The following DLEC1 variants were observed in gnomAD, a reference collection of about 807,000 sequenced individuals.
DLEC1 encodes DLEC1 cilia and flagella associated protein, also known as deleted in lung and esophageal cancer protein 1.
Under a neutral mutation model 198.1 loss-of-function variants are expected in DLEC1, and 146 were observed. The observed-to-expected ratio is 0.74, with a 90% CI of 0.64 to 0.85. The LOEUF (loss-of-function observed/expected upper bound fraction) is 0.85, where lower values mean the gene tolerates loss of function less well. Among genes scored for constraint, DLEC1 ranks in the 40% least tolerant of loss-of-function variants. The probability of loss-of-function intolerance (pLI) is 0.00; values close to 1 mark genes in which losing one functional copy is unlikely to be tolerated. For missense variants in DLEC1, 2,233 were observed against 2,220.0 expected (o/e 1.01, Z -0.12); for synonymous variants, 897 against 866.8 (o/e 1.03, Z -0.61).
chr3:38,100,487 A>G, intron 19 of DLEC1, 62 bp downstream of exon 19: 4 of 1,449,638 alleles, frequency 2.8e-6, no homozygotes, highest in South Asian at 1.6e-5. Flanking sequence ...GTATTTATCT[A>G]TATTATATAT....
Position 38,094,913 on chromosome 3 carries a change from A to T in DLEC1, c.1954A>T (p.Lys652Ter), listed in dbSNP as rs374395632. ...GCTGGCCTTCTACTGGCAGATCATG[A>T]AGCCCAACCTGCAGCCCCTCATGCC... ...VELAFYWQIM[K>*]PNLQPLMPGE... The change falls in exon 13 of 37, where the codon AAG becomes TAG. Residue 652 changes from lysine (K) to a stop codon, truncating the protein, a stop_gained. Coordinates refer to ENST00000308059, the MANE Select transcript of DLEC1 (RefSeq NM_007335.4). LOFTEE classifies it high-confidence loss of function. The T allele has an allele frequency of 3.5e-5, 56 of 1,614,046 alleles. No individual in the cohort carries two copies. Among genetic ancestry groups the T allele is most frequent in the Non-Finnish European group, 4.6e-5 (54 of 1,180,012 alleles).
chr3:38,058,804 G>A (rs1156691487), intron 2 of DLEC1, among the ~76,000 whole-genome samples: 1 of 152,000 alleles, frequency 6.6e-6, no homozygotes, highest in Non-Finnish European at 1.5e-5. Flanking sequence ...GATAATGGTG[G>A]AGGCTGTGCA....
At chr3:38,094,381 T>TGG (rs1225929826) in intron 12 of DLEC1, among the ~76,000 whole-genome samples, 1 of 152,040 alleles carries the variant, frequency 6.6e-6, no homozygotes, top group African/African-American at 2.4e-5. Flanking sequence ...TCCTATGCTA[T>TGG]GGAGTTGCCA....
intron 36 of DLEC1, 21 bp from the exon 37 acceptor site, chr3:38,122,268 G>A: frequency 6.2e-7 from 1 of 1,608,028 alleles, no homozygotes; most frequent in African/African-American, 1.3e-5. Context: ...CCTAACCTCA[G>A]CCCCCACATG....
At chr3:38,073,220 C>T (rs1240927388) in intron 6 of DLEC1, among the ~76,000 whole-genome samples, 1 of 152,154 alleles carries the variant, frequency 6.6e-6, no homozygotes, top group Admixed American at 6.5e-5. Flanking sequence ...GGTTGGGCAC[C>T]ACAGGATGGA....
Position 38,120,347 on chromosome 3 carries a change from G to GC in DLEC1, c.4705-100dup. The GC allele has an allele frequency of 2.1e-6, 3 of 1,412,144 alleles. No individual in the cohort carries two copies. In the Admixed American group the frequency reaches 5.2e-5, roughly 25 times the overall value. 87.5% of individuals were successfully genotyped at this position (1,412,144 alleles called of 1,614,324 possible). A position where few individuals can be genotyped will look rare whatever the true frequency, so the allele number is the denominator to read the frequency against. On this transcript the variant is annotated intron_variant, in intron 33 of 36. Coordinates refer to ENST00000308059, the MANE Select transcript of DLEC1 (RefSeq NM_007335.4). The stretch of plus-strand genomic sequence containing the variant: ...GGGGAGCTGCTGGGCTGTTGGCTGG[G>GC]CAAGGCTGGGCCTGGGAGGAAAGGA...
chr3:38,077,496 TTAA>T (rs1180543590), intron 6 of DLEC1, among the ~76,000 whole-genome samples: 1 of 152,210 alleles, frequency 6.6e-6, no homozygotes, highest in Non-Finnish European at 1.5e-5. Context: ...AGGTTTGTTT[TTAA>T]AAGACCTTTA....
At chr3:38,053,631 C>T (rs1701262003) in intron 2 of DLEC1, among the ~76,000 whole-genome samples, 1 of 135,366 alleles carries the variant, frequency 7.4e-6, no homozygotes, top group African/African-American at 2.7e-5. Context: ...GGCGCCTCTG[C>T]CCGGCCGCCC....
intron 34 of DLEC1, among the ~76,000 whole-genome samples, chr3:38,121,139 C>T (rs768351227): frequency 4.6e-5 from 7 of 152,288 alleles, no homozygotes; most frequent in Admixed American, 6.5e-5. Context: ...GCAGTGGAGC[C>T]GAGGCGCTCT....
intron 26 of DLEC1, 69 bp downstream of exon 26, chr3:38,114,529 C>A: frequency 6.6e-7 from 1 of 1,505,908 alleles, no homozygotes; most frequent in Non-Finnish European, 9.2e-7. Flanking sequence ...CCGGGCTGGG[C>A]TGCCCACGTT....
chr3:38,049,779 C>T (rs1309052702), intron 2 of DLEC1, among the ~76,000 whole-genome samples: 1 of 152,186 alleles, frequency 6.6e-6, no homozygotes, highest in Non-Finnish European at 1.5e-5. Flanking sequence ...GGCCTTTATC[C>T]TTTGTATAGA....
chr3:38,068,690 T>C (rs1697161173), intron 6 of DLEC1, among the ~76,000 whole-genome samples: 1 of 152,184 alleles, frequency 6.6e-6, no homozygotes, highest in South Asian at 2.1e-4. Context: ...GGAGATGACA[T>C]TGAGAAGAGT....
At chr3:38,100,931 A>C (rs976464663) in intron 19 of DLEC1, among the ~76,000 whole-genome samples, 2 of 152,002 alleles carry the variant, frequency 1.3e-5, no homozygotes, top group East Asian at 3.8e-4. Context: ...TTTCAAAGGT[A>C]TTGGTAGTAT....
At chr3:38,109,961 G>A in intron 22 of DLEC1, 138 bp from the exon 23 acceptor site, 1 of 986,528 alleles carries the variant, frequency 1.0e-6, no homozygotes, top group Non-Finnish European at 1.5e-6. Context: ...TCTGTGGTTG[G>A]CAGCTCAATG....
At chr3:38,054,947 G>C (rs1040695644) in intron 2 of DLEC1, among the ~76,000 whole-genome samples, 13 of 152,180 alleles carry the variant, frequency 8.5e-5, no homozygotes, top group Admixed American at 2.0e-4. Flanking sequence ...ACAGACTAAA[G>C]GAAGGAAACA....
chr3:38,120,481 C>T lies in DLEC1; in HGVS notation c.4738C>T (p.Leu1580Phe), dbSNP rs1230304029. The T allele has an allele frequency of 8.1e-6, 13 of 1,614,228 alleles. No homozygotes were observed. Among genetic ancestry groups the T allele is most frequent in the Non-Finnish European group, 1.0e-5 (12 of 1,180,018 alleles). ...GTCCTTCTCACTCTCCCTGGAGCTG[C>T]TCTCCTATCAGAAGCTCCCAGCTGA... The part of the protein sequence containing the change: ...NVSFSLSLEL[L>F]SYQKLPADQT... The change falls in exon 34 of 37, where the codon CTC (leucine) becomes TTC (phenylalanine). Residue 1580 changes from leucine (L) to phenylalanine (F), a missense_variant. Coordinates refer to ENST00000308059, the MANE Select transcript of DLEC1 (RefSeq NM_007335.4).
At chr3:38,116,347 T>C in intron 27 of DLEC1, 106 bp from the exon 28 acceptor site, 1 of 1,070,204 alleles carries the variant, frequency 9.3e-7, no homozygotes, top group Admixed American at 2.1e-5. Context: ...TCCACCTGGG[T>C]ATGGGAGAAT....
intron 3 of DLEC1, among the ~76,000 whole-genome samples, chr3:38,060,208 A>C (rs1434401115): frequency 6.6e-6 from 1 of 152,206 alleles, no homozygotes; most frequent in African/African-American, 2.4e-5. Context: ...TGGAGCAGGG[A>C]CTTATGGGTT....
chr3:38,084,460 T>C, intron 7 of DLEC1, among the ~76,000 whole-genome samples: 1 of 430 alleles, frequency 2.3e-3, no homozygotes, highest in Non-Finnish European at 4.2e-3. Flanking sequence ...GTGGTAGTAG[T>C]AATAGTAGTG....
Sources: gnomAD v4.1 joint callset for allele counts (sites outside exome capture counted in the v4.1 genomes callset) on GRCh38, gnomAD v4.1.1 for gene constraint, MANE v1.5 for transcripts, NCBI Gene and HGNC (gene_info 2026-07-23, HGNC 2026-07-21) for gene names.